STPG1: variants seen among roughly 807,000 people sequenced by gnomAD.
The protein encoded by STPG1 is sperm tail PG-rich repeat containing 1.
In STPG1, 33 loss-of-function variants were observed where a neutral mutation model predicts 40.1. That is an observed-to-expected ratio of 0.82 (90% CI 0.62 to 1.10). STPG1 has a LOEUF of 1.10. Among genes scored for constraint, STPG1 ranks in the 50% least tolerant of loss-of-function variants. STPG1 has a pLI of 0.00. For missense variants in STPG1, 396 were observed against 415.1 expected (o/e 0.95, Z 0.40); for synonymous variants, 150 against 155.0 (o/e 0.97, Z 0.24).
chr1:24,385,155 T>C lies in STPG1; in HGVS notation c.190-1152A>G, dbSNP rs148974019. Among the ~76,000 whole-genome samples, 274 of 152,296 alleles carry C rather than the reference T, an allele frequency of 1.8e-3. 1 individual carries two copies. The highest frequency in any genetic ancestry group is 5.3e-3 in the African/African-American group (220 of 41,564). On this transcript the variant is annotated intron_variant, in intron 3 of 8. Coordinates refer to ENST00000337248, the MANE Select transcript of STPG1 (RefSeq NM_001199013.2). ...TTAGGGTAGAAAGCCCAAGGTACCA[T>C]CAGTGCCTTCCAGGACTTTCCAGTC...
At chr1:24,389,187 G>A (rs1642642746) in intron 3 of STPG1, among the ~76,000 whole-genome samples, 1 of 152,176 alleles carries the variant, frequency 6.6e-6, no homozygotes, top group African/African-American at 2.4e-5. Context: ...AACGTTCTGA[G>A]AAGCAATCAT....
intron 3 of STPG1, 60 bp downstream of exon 3, chr1:24,391,501 C>G: frequency 9.2e-7 from 1 of 1,089,012 alleles, no homozygotes; most frequent in Non-Finnish European, 1.4e-6. Context: ...CAGAACGTGC[C>G]TGTCCCGCAA....
At chr1:24,410,241 G>T (rs911416658) in intron 1 of STPG1, among the ~76,000 whole-genome samples, 7 of 152,140 alleles carry the variant, frequency 4.6e-5, no homozygotes, top group Non-Finnish European at 8.8e-5. Context: ...AATAAGGGAG[G>T]ACTACTATAA....
chr1:24,384,326 G>A (rs757576145), intron 3 of STPG1, among the ~76,000 whole-genome samples: 2 of 152,194 alleles, frequency 1.3e-5, no homozygotes, highest in Non-Finnish European at 1.5e-5. Context: ...CACTGAATGC[G>A]GCTGATGTGC....
At chr1:24,391,823 C>A in intron 2 of STPG1, 144 bp from the exon 3 acceptor site, 4 of 1,219,146 alleles carry the variant, frequency 3.3e-6, no homozygotes, top group Non-Finnish European at 3.1e-6. Flanking sequence ...GACACGAAAC[C>A]GGATTAAAAA....
chr1:24,385,631 G>C (rs1020336480), intron 3 of STPG1, among the ~76,000 whole-genome samples: 2 of 152,220 alleles, frequency 1.3e-5, no homozygotes, highest in African/African-American at 4.8e-5. Context: ...GGGGCCAAAA[G>C]AGATAAGGCC....
At chr1:24,413,037 A>G (rs964343212) in intron 1 of STPG1, among the ~76,000 whole-genome samples, 3 of 152,224 alleles carry the variant, frequency 2.0e-5, no homozygotes, top group African/African-American at 7.2e-5. Flanking sequence ...GGATGTCCTG[A>G]GTAGTTTCGT....
intron 7 of STPG1, chr1:24,364,579 T>G: frequency 1.2e-6 from 1 of 834,216 alleles, no homozygotes; most frequent in Non-Finnish European, 1.6e-6. Context: ...CCGGGAACAT[T>G]TGCTGAAGTG....
chr1:24,392,513 A>G (rs1016899876), intron 2 of STPG1, among the ~76,000 whole-genome samples: 1 of 152,064 alleles, frequency 6.6e-6, no homozygotes, highest in Admixed American at 6.5e-5. Context: ...CTCCTGTGGC[A>G]CCAGCTGGAA....
At chr1:24,387,927 A>C (rs775166979) in intron 3 of STPG1, among the ~76,000 whole-genome samples, 1 of 152,344 alleles carries the variant, frequency 6.6e-6, no homozygotes, top group South Asian at 2.1e-4. Context: ...GTCTAGTGTC[A>C]TATCAAGTTA....
intron 1 of STPG1, among the ~76,000 whole-genome samples, chr1:24,408,378 C>T (rs1253529664): frequency 1.3e-5 from 2 of 152,212 alleles, no homozygotes; most frequent in African/African-American, 4.8e-5. Context: ...AGTTTCTTCT[C>T]ATGCATGTGC....
chr1:24,400,482 A>G (rs1643180019), intron 2 of STPG1, among the ~76,000 whole-genome samples: 1 of 152,190 alleles, frequency 6.6e-6, no homozygotes, highest in African/African-American at 2.4e-5. Flanking sequence ...CTATACAATT[A>G]GGATTTGTGC....
intron 1 of STPG1, among the ~76,000 whole-genome samples, chr1:24,410,282 G>C (rs1643565698): frequency 6.6e-6 from 1 of 152,120 alleles, no homozygotes; most frequent in African/African-American, 2.4e-5. Flanking sequence ...CAACATTTAA[G>C]AAAATATGAT....
At chr1:24,364,498 G>A in intron 7 of STPG1, 1 of 1,367,920 alleles carries the variant, frequency 7.3e-7, no homozygotes, top group East Asian at 2.8e-5. Flanking sequence ...CATTTTCTAT[G>A]GCTTTTACTT....
intron 3 of STPG1, among the ~76,000 whole-genome samples, chr1:24,389,267 G>A (rs916422237): frequency 2.0e-5 from 3 of 152,092 alleles, no homozygotes; most frequent in Non-Finnish European, 2.9e-5. Flanking sequence ...ACTAGATCAC[G>A]GGGAATGGGG....
chr1:24,358,666 T>C (rs1322136941), intron 8 of STPG1, 47 bp from the exon 9 acceptor site: 2 of 1,446,040 alleles, frequency 1.4e-6, no homozygotes, highest in Admixed American at 1.7e-5. Context: ...AAAAGGCCCA[T>C]TGCTGCAGTC....
At chr1:24,380,356 T>C (rs1642228622) in intron 4 of STPG1, among the ~76,000 whole-genome samples, 1 of 152,158 alleles carries the variant, frequency 6.6e-6, no homozygotes, top group South Asian at 2.1e-4. Context: ...TTTTCACGGT[T>C]TAACAGAACC....
intron 1 of STPG1, among the ~76,000 whole-genome samples, chr1:24,405,610 G>C (rs775605587): frequency 3.9e-5 from 6 of 152,142 alleles, no homozygotes; most frequent in Non-Finnish European, 7.3e-5. Flanking sequence ...TCAATACTAA[G>C]AAGTGTTGAA....
At chr1:24,365,205 C>T (rs1641376994) in intron 7 of STPG1, among the ~76,000 whole-genome samples, 1 of 152,118 alleles carries the variant, frequency 6.6e-6, no homozygotes, top group African/African-American at 2.4e-5. Context: ...TGGAGTGGGG[C>T]CAACGGGGCT....
Sources: allele counts gnomAD v4.1 joint callset (sites outside exome capture counted in the v4.1 genomes callset), GRCh38; gene constraint gnomAD v4.1.1; transcripts MANE v1.5; gene names NCBI Gene and HGNC (gene_info 2026-07-23, HGNC 2026-07-21).